The following STOX2 variants were observed in gnomAD, a reference collection of about 807,000 sequenced individuals.
STOX2 encodes storkhead-box protein 2.
In STOX2, 28 loss-of-function variants were observed where a neutral mutation model predicts 60.9. The ratio of observed to expected loss-of-function variants is 0.46; its 90% CI spans 0.34 to 0.63. The LOEUF is 0.63. STOX2 is among the 30% of genes least tolerant of loss of function. The probability of loss-of-function intolerance (pLI) is 0.01; values close to 1 mark genes in which losing one functional copy is unlikely to be tolerated. For missense variants in STOX2, 1,024 were observed against 1,187.7 expected (o/e 0.86, Z 2.03); for synonymous variants, 472 against 463.9 (o/e 1.02, Z -0.22).
At chr4:183,813,025 G>A (rs947271506) in intron 1 of STOX2, among the ~76,000 whole-genome samples, 6 of 152,202 alleles carry the variant, frequency 3.9e-5, no homozygotes, top group Non-Finnish European at 5.9e-5. Flanking sequence ...CTCCGTGTCT[G>A]TGGGTTCTGG....
chr4:183,829,644 A>G (rs1739519840), intron 1 of STOX2, among the ~76,000 whole-genome samples: 1 of 152,212 alleles, frequency 6.6e-6, no homozygotes, highest in African/African-American at 2.4e-5. Flanking sequence ...TGTCTTAGCC[A>G]TGGGCCAAGG....
At chr4:183,828,291 A>C (rs1259706662) in intron 1 of STOX2, among the ~76,000 whole-genome samples, 1 of 152,112 alleles carries the variant, frequency 6.6e-6, no homozygotes. Context: ...CTGAAGTCAT[A>C]AGTTTGGGTG....
At chr4:183,853,116 G>A (rs1186108882) in intron 1 of STOX2, among the ~76,000 whole-genome samples, 2 of 152,160 alleles carry the variant, frequency 1.3e-5, no homozygotes, top group Admixed American at 6.5e-5. Context: ...CATAATTCAA[G>A]GTGAAATGAA....
intron 1 of STOX2, among the ~76,000 whole-genome samples, chr4:183,827,852 G>A (rs1343155208): frequency 6.7e-6 from 1 of 149,104 alleles, no homozygotes; most frequent in East Asian, 1.9e-4. Flanking sequence ...ATTCCAGCCT[G>A]GGTGACAGAA....
At chr4:183,830,876 G>C (rs1301418055) in intron 1 of STOX2, among the ~76,000 whole-genome samples, 1 of 151,822 alleles carries the variant, frequency 6.6e-6, no homozygotes, top group Non-Finnish European at 1.5e-5. Flanking sequence ...TTCAGAGGTT[G>C]TAACAGGCAG....
chr4:183,906,945 A>T lies in STOX2; in HGVS notation c.155A>T (p.Tyr52Phe). The change falls in exon 1 of 4, where the codon TAC becomes TTC. Residue 52 changes from tyrosine to phenylalanine, a missense_variant. Tyr to Phe is a conservative substitution (Grantham distance 22). Around this residue, in one of 3 missense-constraint regions of STOX2, gnomAD observed 98 missense variants for 110.2 expected, o/e 0.89. Coordinates refer to ENST00000308497, the MANE Select transcript of STOX2 (RefSeq NM_020225.3). The part of the protein sequence containing the change: ...AAFAPQASRG[Y>F]MTSGDVSPIS... ...TTCGCGCCCCAGGCTTCGCGGGGCTACATGACATCAGGTTGGTTGGTGACC... is the reference window on the plus strand; with the variant it reads ...TTCGCGCCCCAGGCTTCGCGGGGCTTCATGACATCAGGTTGGTTGGTGACC... The T allele has an allele frequency of 6.5e-7, 1 of 1,545,424 alleles. No homozygotes were observed.
intron 1 of STOX2, among the ~76,000 whole-genome samples, chr4:183,885,684 C>G (rs1033683763): frequency 3.3e-5 from 5 of 152,218 alleles, no homozygotes; most frequent in African/African-American, 1.2e-4. Context: ...GTCCATTCAT[C>G]CAAGGTCCTG....
intron 2 of STOX2, among the ~76,000 whole-genome samples, chr4:184,007,747 G>A (rs929693460): frequency 5.3e-5 from 8 of 152,136 alleles, no homozygotes; most frequent in African/African-American, 1.4e-4. Context: ...CCCTGTCCTC[G>A]GCTTACGGAT....
At chr4:183,924,915 A>T (rs949665633) in intron 1 of STOX2, among the ~76,000 whole-genome samples, 2 of 152,198 alleles carry the variant, frequency 1.3e-5, no homozygotes, top group Non-Finnish European at 2.9e-5. Context: ...AGAGAGTCTT[A>T]GGGAGGCCTG....
intron 1 of STOX2, among the ~76,000 whole-genome samples, chr4:183,852,794 G>T (rs1403061817): frequency 1.3e-5 from 2 of 152,206 alleles, no homozygotes; most frequent in Non-Finnish European, 2.9e-5. Context: ...GTGTAAGGGT[G>T]CGTCAGCGTA....
chr4:183,904,712 G>A (rs771515696), upstream of STOX2, among the ~76,000 whole-genome samples: 46 of 152,216 alleles, frequency 3.0e-4, no homozygotes, highest in Non-Finnish European at 5.7e-4. Context: ...TGAATGAGGA[G>A]AGCTCTAATT....
At chr4:183,828,313 G>A (rs1034592473) in intron 1 of STOX2, among the ~76,000 whole-genome samples, 7 of 152,168 alleles carry the variant, frequency 4.6e-5, no homozygotes, top group Admixed American at 2.0e-4. Flanking sequence ...GTGACACAGC[G>A]GTAGAGTCTT....
At chr4:184,014,493 C>T (rs1213783089) in intron 3 of STOX2, 1 of 151,714 alleles carries the variant, frequency 6.6e-6, no homozygotes, top group Non-Finnish European at 1.5e-5. Context: ...GGATGAACAA[C>T]AGAACCGCTT....
intron 1 of STOX2, among the ~76,000 whole-genome samples, chr4:183,863,919 G>T (rs777591551): frequency 2.0e-5 from 3 of 152,232 alleles, no homozygotes; most frequent in Non-Finnish European, 2.9e-5. Flanking sequence ...GTTTGTGGAA[G>T]AGTGTCTGGT....
intron 2 of STOX2, among the ~76,000 whole-genome samples, chr4:184,007,015 C>CAAAAAAAA (rs61393267): frequency 4.2e-4 from 22 of 52,656 alleles, no homozygotes; most frequent in South Asian, 7.0e-4. Context: ...GACTCTGTCT[C>CAAAAAAAA]AAAAAAAAAA....
intron 2 of STOX2, among the ~76,000 whole-genome samples, chr4:184,006,971 C>A (rs377507585): frequency 1.3e-4 from 17 of 133,710 alleles, no homozygotes; most frequent in South Asian, 4.9e-4. Flanking sequence ...AGCCGAGATC[C>A]CGCCACTGCA....
At chr4:183,800,656 ACCAAT>A (rs1738741371) in intron 1 of STOX2, among the ~76,000 whole-genome samples, 7 of 152,148 alleles carry the variant, frequency 4.6e-5, no homozygotes, top group Middle Eastern at 3.4e-3. Context: ...CTCATCAGTT[ACCAAT>A]AGTCCTCTGA....
chr4:183,871,134 G>C (rs1740679245), intron 1 of STOX2, among the ~76,000 whole-genome samples: 1 of 152,196 alleles, frequency 6.6e-6, no homozygotes, highest in South Asian at 2.1e-4. Context: ...ATCTAACAGG[G>C]AGATACCATC....
chr4:183,948,244 A>AT (rs1241588563), intron 1 of STOX2, among the ~76,000 whole-genome samples: 1 of 146,460 alleles, frequency 6.8e-6, no homozygotes, highest in Non-Finnish European at 1.5e-5. Context: ...AAAAAAAAAA[A>AT]CACGAAAAAG....
Sources: allele counts gnomAD v4.1 joint callset (sites outside exome capture counted in the v4.1 genomes callset), GRCh38; gene constraint gnomAD v4.1.1; regional missense constraint gnomAD v4.1.1; transcripts MANE v1.5; gene names NCBI Gene and HGNC (gene_info 2026-07-23, HGNC 2026-07-21).